The following ADAMTS12 variants were observed in gnomAD, a reference collection of about 807,000 sequenced individuals.
The protein encoded by ADAMTS12 is ADAM metallopeptidase with thrombospondin type 1 motif 12, also known as A disintegrin and metalloproteinase with thrombospondin motifs 12.
In ADAMTS12, 118 loss-of-function variants were observed where a neutral mutation model predicts 167.8. The ratio of observed to expected loss-of-function variants is 0.70; its 90% CI spans 0.61 to 0.82. The LOEUF is 0.82. Ranked by LOEUF, ADAMTS12 falls within the 40% of genes least tolerant of loss-of-function variation. The pLI, the probability that ADAMTS12 is intolerant of heterozygous loss-of-function variation, is 0.00. For missense variants in ADAMTS12, 1,916 were observed against 1,998.8 expected, an observed-to-expected ratio of 0.96 and a Z score of 0.79; for synonymous variants, 704 against 716.9, an observed-to-expected ratio of 0.98 and a Z score of 0.29.
At chr5:33,647,382 G>A (rs141689248) in intron 9 of ADAMTS12, among the ~76,000 whole-genome samples, 1 of 152,176 alleles carries the variant, frequency 6.6e-6, no homozygotes, top group Non-Finnish European at 1.5e-5. Context: ...GAGGGGAAGC[G>A]TTCAGATTCT....
chr5:33,574,044 G>A (rs1342491257), intron 19 of ADAMTS12, among the ~76,000 whole-genome samples: 1 of 152,082 alleles, frequency 6.6e-6, no homozygotes, highest in Non-Finnish European at 1.5e-5. Flanking sequence ...AAACCACAAT[G>A]AGATACCATC....
chr5:33,780,192 G>A (rs1746074672), intron 2 of ADAMTS12, among the ~76,000 whole-genome samples: 1 of 152,022 alleles, frequency 6.6e-6, no homozygotes, highest in South Asian at 2.1e-4. Context: ...TCCATGAAGA[G>A]GAGTAAAAAT....
chr5:33,807,804 A>G (rs995900746), intron 2 of ADAMTS12, among the ~76,000 whole-genome samples: 2 of 152,220 alleles, frequency 1.3e-5, no homozygotes, highest in Admixed American at 1.3e-4. Context: ...AACCATCACG[A>G]GTAATGGTTA....
At chr5:33,891,536 G>A in intron 1 of ADAMTS12, 194 bp downstream of exon 1, 2 of 698,214 alleles carry the variant, frequency 2.9e-6, no homozygotes, top group East Asian at 2.7e-5. Flanking sequence ...TAAGAATGAA[G>A]GACTCATCAC....
In ADAMTS12 at chr5:33,553,005, C is replaced by CA. The variant is rs1745320199; in HGVS notation, c.4126-3623dup. On this transcript the variant is annotated intron_variant, in intron 20 of 23. Transcript: ENST00000504830. ...CATCTCTAAGGAAGTTAAATTTATA[C>CA]AAAAAACAAAAAACAAAAAACAAAC... is the stretch of plus-strand genomic sequence containing the variant. Among the ~76,000 whole-genome samples, 6 of 151,346 alleles carry CA rather than the reference C, an allele frequency of 4.0e-5. No homozygotes were observed. In the South Asian group the frequency reaches 1.3e-3, roughly 32 times the overall value.
At chr5:33,797,726 C>T (rs936049301) in intron 2 of ADAMTS12, among the ~76,000 whole-genome samples, 1 of 152,110 alleles carries the variant, frequency 6.6e-6, no homozygotes, top group Non-Finnish European at 1.5e-5. Context: ...ATTTCTAGCA[C>T]AATAAATACT....
In ADAMTS12 at chr5:33,534,967, A is replaced by C; in HGVS notation, c.4472T>G (p.Phe1491Cys). 1 of 1,609,536 alleles carries C rather than the reference A, an allele frequency of 6.2e-7. No homozygotes were observed. Among genetic ancestry groups the C allele is most frequent in the Non-Finnish European group, 8.5e-7 (1 of 1,178,878 alleles). ...DLCSTSCGGG[F>C]QKRTVQCVPS... is the part of the protein sequence containing the mutation. Reference sequence around the variant, plus strand: ...CACACATTGGACAGTCCTCTTCTGAAAGCCACCTCCACAGGAAGTGGAACA... The same window carrying C: ...CACACATTGGACAGTCCTCTTCTGACAGCCACCTCCACAGGAAGTGGAACA... Residue 1491 changes from phenylalanine (F) to cysteine (C), a missense_variant, in exon 23 of 24, where the codon TTT becomes TGT. Phe to Cys is a radical substitution (Grantham distance 205). Transcript: ENST00000504830.
At chr5:33,834,687 C>G (rs1011573496) in intron 2 of ADAMTS12, among the ~76,000 whole-genome samples, 3 of 152,196 alleles carry the variant, frequency 2.0e-5, no homozygotes, top group Admixed American at 6.5e-5. Flanking sequence ...CATACACATA[C>G]CTTTCACCCA....
intron 3 of ADAMTS12, among the ~76,000 whole-genome samples, chr5:33,719,552 C>T (rs1434473616): frequency 1.3e-5 from 2 of 152,196 alleles, no homozygotes; most frequent in Admixed American, 6.5e-5. Context: ...ACAAGATGAT[C>T]GAGTGGCTCA....
chr5:33,554,125 A>G (rs954925326), intron 20 of ADAMTS12, among the ~76,000 whole-genome samples: 2 of 152,254 alleles, frequency 1.3e-5, no homozygotes, highest in Non-Finnish European at 2.9e-5. Flanking sequence ...CACCTGAAGA[A>G]GTCAAGAAAA....
rs184175826 is a variant in ADAMTS12, at chr5:33,844,715, C to T, written c.489+36404G>A. 1.4e-3 allele frequency among the ~76,000 whole-genome samples: 209 copies of T among 152,284 alleles called. 1 individual carries two copies. Among genetic ancestry groups the T allele is most frequent in the African/African-American group, 4.7e-3 (197 of 41,552 alleles). On this transcript the variant is annotated intron_variant, in intron 2 of 23. Transcript: ENST00000504830. ...TGATATTCTATTACCTTGTGAAGCACGTGATCTCTGTGACCCACACCCTAT... is the reference window on the plus strand; with the variant it reads ...TGATATTCTATTACCTTGTGAAGCATGTGATCTCTGTGACCCACACCCTAT...
chr5:33,550,515 C>T (rs953338438), intron 20 of ADAMTS12, among the ~76,000 whole-genome samples: 2 of 152,164 alleles, frequency 1.3e-5, no homozygotes, highest in Non-Finnish European at 2.9e-5. Flanking sequence ...TCCCCAGGTT[C>T]TCCTCGGGTT....
intron 2 of ADAMTS12, among the ~76,000 whole-genome samples, chr5:33,764,454 T>A (rs1745461913): frequency 6.6e-6 from 1 of 152,206 alleles, no homozygotes; most frequent in Non-Finnish European, 1.5e-5. Flanking sequence ...TGCTAATTCT[T>A]CAGCAGTCTG....
Position 33,569,438 on chromosome 5 carries a change from C to T in ADAMTS12, c.3972+6616G>A, listed in dbSNP as rs184241747. ...ATCAGACAGCAGCATTCGTGGATCA[C>T]GAAAATCCATGGTTCTGCAGACACC... On this transcript the variant is annotated intron_variant, in intron 19 of 23. Coordinates refer to ENST00000504830, the MANE Select transcript of ADAMTS12 (RefSeq NM_030955.4). 1.4e-3 allele frequency among the ~76,000 whole-genome samples: 214 copies of T among 152,314 alleles called. 1 individual carries two copies. Among genetic ancestry groups the T allele is most frequent in the African/African-American group, 4.8e-3 (198 of 41,562 alleles).
chr5:33,730,454 C>G (rs1744155660), intron 3 of ADAMTS12, among the ~76,000 whole-genome samples: 1 of 151,898 alleles, frequency 6.6e-6, no homozygotes, highest in Non-Finnish European at 1.5e-5. Flanking sequence ...GTGTCTTCTC[C>G]TCTTGTATGT....
In ADAMTS12 at chr5:33,866,704, A is replaced by C. The variant is rs146996596; in HGVS notation, c.489+14415T>G. 2.7e-3 allele frequency among the ~76,000 whole-genome samples: 413 copies of C among 152,286 alleles called. 8 individuals are homozygous for C. The East Asian group carries it at 0.06, about 22-fold the overall frequency. On this transcript the variant is annotated intron_variant, in intron 2 of 23. Coordinates refer to ENST00000504830, the MANE Select transcript of ADAMTS12 (RefSeq NM_030955.4). ...ATATTTGCTAACTATGCATCTAAAA[A>C]AGACCAATGTCCAGAATCTACAAGG...
intron 5 of ADAMTS12, among the ~76,000 whole-genome samples, chr5:33,669,689 C>A (rs1741601070): frequency 6.6e-6 from 1 of 151,292 alleles, no homozygotes; most frequent in South Asian, 2.1e-4. Flanking sequence ...TTAAGAAATA[C>A]ATAGTGAAAA....
At chr5:33,787,653 C>A (rs1746377099) in intron 2 of ADAMTS12, among the ~76,000 whole-genome samples, 1 of 152,162 alleles carries the variant, frequency 6.6e-6, no homozygotes, top group Admixed American at 6.5e-5. Flanking sequence ...CTATGGGCTA[C>A]CTGTCCATAG....
intron 2 of ADAMTS12, among the ~76,000 whole-genome samples, chr5:33,754,217 T>C (rs62349784): frequency 0.13 from 19,209 of 152,188 alleles, 1,588 homozygotes; most frequent in East Asian, 0.4. Flanking sequence ...CTGAAGCAAA[T>C]TGCCCAAGAG....
Sources: gnomAD v4.1 joint callset for allele counts (sites outside exome capture counted in the v4.1 genomes callset) on GRCh38, gnomAD v4.1.1 for gene constraint, MANE v1.5 for transcripts, NCBI Gene and HGNC (gene_info 2026-07-23, HGNC 2026-07-21) for gene names.